The following CDH18 variants were observed in gnomAD, a reference collection of about 807,000 sequenced individuals.
CDH18 encodes the protein cadherin 18, also known as cadherin-18.
In CDH18, 31 loss-of-function variants were observed where a neutral mutation model predicts 67.9. The ratio of observed to expected loss-of-function variants is 0.46; its 90% CI spans 0.34 to 0.62. The LOEUF is 0.62. Among genes scored for constraint, CDH18 ranks in the 20% least tolerant of loss-of-function variants. The probability of loss-of-function intolerance (pLI) is 0.01; values close to 1 mark genes in which losing one functional copy is unlikely to be tolerated. For missense variants in CDH18, 890 were observed against 975.5 expected (o/e 0.91, Z 1.17); for synonymous variants, 362 against 347.2 (o/e 1.04, Z -0.48).
At chr5:19,784,229 AAC>A (rs1775454520) in intron 3 of CDH18, among the ~76,000 whole-genome samples, 2 of 152,184 alleles carry the variant, frequency 1.3e-5, no homozygotes, top group South Asian at 4.1e-4. Context: ...GAAAAATTCA[AAC>A]AGTTTATGAG....
chr5:20,544,366 TAAAG>T (rs914843129), intron 1 of CDH18, among the ~76,000 whole-genome samples: 6 of 152,074 alleles, frequency 3.9e-5, no homozygotes, highest in Admixed American at 6.6e-5. Flanking sequence ...GTATAATATA[TAAAG>T]AATGTACACA....
At chr5:20,479,720 T>A (rs1247766362) in intron 1 of CDH18, among the ~76,000 whole-genome samples, 1 of 152,116 alleles carries the variant, frequency 6.6e-6, no homozygotes, top group African/African-American at 2.4e-5. Flanking sequence ...GGGTAGAAAG[T>A]TTATTCAGAG....
At chr5:20,002,173 C>G (rs550069228) in intron 2 of CDH18, among the ~76,000 whole-genome samples, 1 of 152,280 alleles carries the variant, frequency 6.6e-6, no homozygotes, top group African/African-American at 2.4e-5. Context: ...TTGAATTTTA[C>G]TTCACACATT....
At chr5:20,167,779 T>C (rs950944133) in intron 2 of CDH18, among the ~76,000 whole-genome samples, 5 of 152,168 alleles carry the variant, frequency 3.3e-5, no homozygotes, top group African/African-American at 1.2e-4. Flanking sequence ...ATCAGTTAAG[T>C]AATACGGCCC....
chr5:20,172,319 A>T (rs1736901021), intron 2 of CDH18, among the ~76,000 whole-genome samples: 1 of 146,886 alleles, frequency 6.8e-6, no homozygotes, highest in South Asian at 2.1e-4. Flanking sequence ...CTACATTACC[A>T]GTACATATTC....
At chr5:19,927,026 T>C (rs964483099) in intron 2 of CDH18, among the ~76,000 whole-genome samples, 1 of 152,188 alleles carries the variant, frequency 6.6e-6, no homozygotes, top group Non-Finnish European at 1.5e-5. Flanking sequence ...TTTTAGTCAG[T>C]TGCCATACTG....
At chr5:20,080,117 T>C (rs1004815250) in intron 2 of CDH18, among the ~76,000 whole-genome samples, 4 of 152,180 alleles carry the variant, frequency 2.6e-5, no homozygotes, top group Non-Finnish European at 4.4e-5. Flanking sequence ...ATATGCACAC[T>C]ATATTTATGT....
At chr5:20,184,329 G>A (rs1737926760) in intron 2 of CDH18, among the ~76,000 whole-genome samples, 1 of 151,988 alleles carries the variant, frequency 6.6e-6, no homozygotes, top group Admixed American at 6.6e-5. Flanking sequence ...AAATCTCCCT[G>A]GTGTGAATGA....
At chr5:19,838,450 T>G (rs2150023721) in intron 3 of CDH18, among the ~76,000 whole-genome samples, 1 of 152,298 alleles carries the variant, frequency 6.6e-6, no homozygotes, top group Admixed American at 6.5e-5. Context: ...AAAAAATTAC[T>G]TAATTGTGTG....
chr5:20,109,647 G>C (rs2126327526), intron 2 of CDH18, among the ~76,000 whole-genome samples: 1 of 152,260 alleles, frequency 6.6e-6, no homozygotes, highest in African/African-American at 2.4e-5. Context: ...TTGAAGTATG[G>C]AATGTATAGC....
chr5:19,793,428 A>G (rs1776563405), intron 3 of CDH18, among the ~76,000 whole-genome samples: 2 of 152,138 alleles, frequency 1.3e-5, no homozygotes, highest in Admixed American at 6.6e-5. Context: ...AGAAGCAAAT[A>G]TTTGTTGCCC....
chr5:19,954,885 C>G (rs188821717), intron 2 of CDH18, among the ~76,000 whole-genome samples: 66 of 151,582 alleles, frequency 4.4e-4, no homozygotes, highest in Admixed American at 1.6e-3. Context: ...ACTGAAGATA[C>G]GACTGCACAA....
chr5:20,109,758 G>T (rs1747291189), intron 2 of CDH18, among the ~76,000 whole-genome samples: 1 of 152,106 alleles, frequency 6.6e-6, no homozygotes, highest in Non-Finnish European at 1.5e-5. Context: ...ACAAAGGATT[G>T]TTTTCTGGAA....
chr5:19,664,541 C>T (rs116349396), intron 5 of CDH18, among the ~76,000 whole-genome samples: 1,893 of 151,858 alleles, frequency 0.012, 37 homozygotes, highest in African/African-American at 0.043. Context: ...ATACCAAAAC[C>T]TGGTATAAAT....
chr5:19,723,175 A>C (rs934788993), intron 4 of CDH18, among the ~76,000 whole-genome samples: 1 of 152,260 alleles, frequency 6.6e-6, no homozygotes, highest in Middle Eastern at 3.4e-3. Context: ...AGGCTGAGGC[A>C]GGAGAATTGC....
At chr5:20,228,431 T>C (rs549783097) in intron 2 of CDH18, among the ~76,000 whole-genome samples, 1 of 152,132 alleles carries the variant, frequency 6.6e-6, no homozygotes, top group South Asian at 2.1e-4. Flanking sequence ...TAAATATACC[T>C]AATTAACACA....
chr5:20,402,933 A>T (rs1341741527), intron 1 of CDH18, among the ~76,000 whole-genome samples: 1 of 151,958 alleles, frequency 6.6e-6, no homozygotes, highest in East Asian at 1.9e-4. Context: ...ATAAATAAAA[A>T]GAATGTTCAC....
chr5:20,292,925 A>G (rs1415654056), intron 1 of CDH18, among the ~76,000 whole-genome samples: 1 of 152,176 alleles, frequency 6.6e-6, no homozygotes, highest in Non-Finnish European at 1.5e-5. Flanking sequence ...TTATTTCCAA[A>G]TAAGGTTTCA....
chr5:19,502,714 A>C (rs1238216012), intron 11 of CDH18: 2 of 490,378 alleles, frequency 4.1e-6, no homozygotes, highest in Non-Finnish European at 3.6e-6. Flanking sequence ...CTCATAAACA[A>C]GTTTGTCAGC....
Sources: allele counts gnomAD v4.1 joint callset (sites outside exome capture counted in the v4.1 genomes callset), GRCh38; gene constraint gnomAD v4.1.1; transcripts MANE v1.5; gene names NCBI Gene and HGNC (gene_info 2026-07-23, HGNC 2026-07-21).